The following GALNT1 variants were observed in gnomAD, a reference collection of about 807,000 sequenced individuals.
GALNT1 encodes GalNAc transferase 1.
GALNT1 carries 17 observed loss-of-function variants against 65.7 expected under a neutral mutation model. That is an observed-to-expected ratio of 0.26 (90% CI 0.18 to 0.39). The LOEUF is 0.39. GALNT1 is among the 10% of genes least tolerant of loss of function. GALNT1 has a pLI of 1.00. For synonymous variants in GALNT1, 210 were observed against 219.7 expected, an observed-to-expected ratio of 0.96 and a Z score of 0.39; for missense variants, 460 against 672.8, an observed-to-expected ratio of 0.68 and a Z score of 3.50.
At chr18:35,688,196 C>T (rs1243540145) in intron 6 of GALNT1, among the ~76,000 whole-genome samples, 1 of 152,014 alleles carries the variant, frequency 6.6e-6, no homozygotes, top group Non-Finnish European at 1.5e-5. Flanking sequence ...TCAAGAAAAC[C>T]CTGTATTAAA....
At chr18:35,642,353 G>A (rs2047175257) in intron 1 of GALNT1, among the ~76,000 whole-genome samples, 1 of 152,170 alleles carries the variant, frequency 6.6e-6, no homozygotes, top group African/African-American at 2.4e-5. Flanking sequence ...TTAGAAAAAA[G>A]CAAGTCAGGT....
chr18:35,624,497 A>T (rs551506694), intron 1 of GALNT1, among the ~76,000 whole-genome samples: 66 of 152,130 alleles, frequency 4.3e-4, no homozygotes, highest in African/African-American at 1.3e-3. Flanking sequence ...TTTACTTTTT[A>T]AAAAAAATCC....
chr18:35,684,586 A>T (rs2047838733), intron 5 of GALNT1, among the ~76,000 whole-genome samples: 1 of 152,232 alleles, frequency 6.6e-6, no homozygotes, highest in Admixed American at 6.5e-5. Context: ...GAAGGGAGTC[A>T]GCTGAAATAG....
intron 11 of GALNT1, among the ~76,000 whole-genome samples, chr18:35,704,471 G>T (rs967832876): frequency 6.6e-6 from 1 of 151,754 alleles, no homozygotes; most frequent in Non-Finnish European, 1.5e-5. Context: ...ATCATGCCTG[G>T]CTAATTTTTG....
chr18:35,656,569 A>G (rs1262641123), intron 2 of GALNT1, among the ~76,000 whole-genome samples: 3 of 152,240 alleles, frequency 2.0e-5, no homozygotes, highest in Admixed American at 2.0e-4. Flanking sequence ...GGAAAGAAGG[A>G]TGTGCAAGAT....
At chr18:35,660,253 G>A in intron 2 of GALNT1, among the ~76,000 whole-genome samples, 1 of 119,114 alleles carries the variant, frequency 8.4e-6, no homozygotes, top group Admixed American at 8.8e-5. Flanking sequence ...TTTCCTGAGA[G>A]AAACACACAT....
chr18:35,602,693 T>A (rs1468308305), intron 1 of GALNT1, among the ~76,000 whole-genome samples: 1 of 152,240 alleles, frequency 6.6e-6, no homozygotes, highest in Admixed American at 6.5e-5. Context: ...AGGATTTCTA[T>A]TTCATGTTTT....
chr18:35,605,082 G>T (rs914201215), intron 1 of GALNT1, among the ~76,000 whole-genome samples: 1 of 152,172 alleles, frequency 6.6e-6, no homozygotes, highest in African/African-American at 2.4e-5. Flanking sequence ...AAGAAGGTGA[G>T]GATTTTGCAG....
intron 2 of GALNT1, among the ~76,000 whole-genome samples, chr18:35,662,554 G>T (rs2047492434): frequency 6.6e-6 from 1 of 152,134 alleles, no homozygotes; most frequent in Non-Finnish European, 1.5e-5. Context: ...TCCTGTTCTT[G>T]TACAGATGAA....
At chr18:35,583,668 C>A (rs1265045750) in intron 1 of GALNT1, among the ~76,000 whole-genome samples, 1 of 152,040 alleles carries the variant, frequency 6.6e-6, no homozygotes, top group East Asian at 1.9e-4. Flanking sequence ...CTAGCTATTC[C>A]AGAGTGACAG....
At chr18:35,623,354 C>T (rs2046879928) in intron 1 of GALNT1, among the ~76,000 whole-genome samples, 1 of 150,310 alleles carries the variant, frequency 6.7e-6, no homozygotes, top group African/African-American at 2.4e-5. Context: ...TTTTGTCTTT[C>T]TTTATCTTTG....
chr18:35,636,783 GTTTT>G (rs58909585), intron 1 of GALNT1, among the ~76,000 whole-genome samples: 11 of 64,208 alleles, frequency 1.7e-4, no homozygotes, highest in South Asian at 6.6e-4. Context: ...ATACTACTTT[GTTTT>G]TTTTTTTTTT....
At chr18:35,661,486 C>T (rs533722048) in intron 2 of GALNT1, among the ~76,000 whole-genome samples, 26 of 149,436 alleles carry the variant, frequency 1.7e-4, no homozygotes, top group African/African-American at 6.2e-4. Context: ...GGTGACAGAG[C>T]GAGACTCTGT....
chr18:35,646,413 A>G (rs1442719034), intron 1 of GALNT1, among the ~76,000 whole-genome samples: 1 of 152,184 alleles, frequency 6.6e-6, no homozygotes, highest in African/African-American at 2.4e-5. Context: ...TGTACTCAAG[A>G]TGTCAGCTGG....
chr18:35,652,017 T>C (rs950456382), intron 1 of GALNT1, among the ~76,000 whole-genome samples: 1 of 151,822 alleles, frequency 6.6e-6, no homozygotes, highest in Admixed American at 6.6e-5. Context: ...TCTAAAGACA[T>C]AAGTAGCCTT....
rs149535373 is a variant in GALNT1, at chr18:35,590,702, ACT to A, written c.-104+8844_-104+8845del. Among the ~76,000 whole-genome samples the A allele has an allele frequency of 9.0e-3, 1,368 of 151,964 alleles. 22 individuals carry two copies. The highest frequency in any genetic ancestry group is 0.03 in the African/African-American group (1,225 of 41,444). On this transcript the variant is annotated intron_variant, in intron 1 of 11. Transcript: ENST00000269195. ...GGAGGAAATTTCTGGGACTATTGAA[ACT>A]CTCATTTGTCCATTCCTAAGAATTA...
At chr18:35,649,791 T>C (rs1311087663) in intron 1 of GALNT1, among the ~76,000 whole-genome samples, 1 of 152,236 alleles carries the variant, frequency 6.6e-6, no homozygotes, top group African/African-American at 2.4e-5. Context: ...TGTATATGGA[T>C]ATCTAATTGT....
intron 1 of GALNT1, among the ~76,000 whole-genome samples, chr18:35,636,126 C>G (rs986725533): frequency 6.6e-6 from 1 of 151,982 alleles, no homozygotes; most frequent in Non-Finnish European, 1.5e-5. Context: ...GGTGACAGTC[C>G]CCTGCTTAAA....
intron 9 of GALNT1, among the ~76,000 whole-genome samples, chr18:35,697,683 C>T (rs560816971): frequency 6.6e-6 from 1 of 152,268 alleles, no homozygotes; most frequent in East Asian, 1.9e-4. Flanking sequence ...CTGCATGTCC[C>T]CACAATCTAA....
Sources: allele counts gnomAD v4.1 joint callset (sites outside exome capture counted in the v4.1 genomes callset), GRCh38; gene constraint gnomAD v4.1.1; transcripts MANE v1.5; gene names NCBI Gene and HGNC (gene_info 2026-07-23, HGNC 2026-07-21).